MEGF9: variants seen among roughly 807,000 people sequenced by gnomAD.
MEGF9 encodes multiple EGF like domains 9.
A neutral mutation model predicts 46.8 loss-of-function variants in MEGF9; 6 were observed. That is an observed-to-expected ratio of 0.13 (90% CI 0.07 to 0.25). The LOEUF (loss-of-function observed/expected upper bound fraction) is 0.25, where lower values mean the gene tolerates loss of function less well. Among genes scored for constraint, MEGF9 ranks in the 10% least tolerant of loss-of-function variants. MEGF9 has a pLI of 1.00. For synonymous variants in MEGF9, 302 were observed against 330.7 expected, an observed-to-expected ratio of 0.91 and a Z score of 0.94; for missense variants, 683 against 792.4, an observed-to-expected ratio of 0.86 and a Z score of 1.66.
Position 120,607,813 on chromosome 9 carries a change from T to C in MEGF9, c.1285A>G (p.Thr429Ala). 6.2e-7 allele frequency: 1 copy of C among 1,614,010 alleles called. No homozygotes were observed. Among genetic ancestry groups the C allele is most frequent in the Non-Finnish European group, 8.5e-7 (1 of 1,179,870 alleles). Residue 429 changes from threonine to alanine, a missense_variant, in exon 5 of 6, where the codon ACC (threonine) becomes GCC (alanine). By Grantham distance (58) the Thr-to-Ala change is moderately conservative. Transcript: ENST00000373930. ...SGECINCLHN[T>A]TGFWCENCLE... is the part of the protein sequence containing the mutation. ...CAGTTCTCACACCAAAACCCAGTGG[T>C]GTTATGGAGGCAGTTGATGCACTCA...
chr9:120,690,373 G>A (rs762419054), intron 1 of MEGF9, among the ~76,000 whole-genome samples: 4 of 152,174 alleles, frequency 2.6e-5, no homozygotes, highest in Admixed American at 6.5e-5. Flanking sequence ...GTCAGTGTGT[G>A]TGTGTGTATA....
chr9:120,714,310 C>T lies in MEGF9; in HGVS notation c.49G>A (p.Gly17Ser), dbSNP rs1051317783. 1.6e-5 allele frequency: 21 copies of T among 1,342,858 alleles called. No individual in the cohort carries two copies. Among genetic ancestry groups the T allele is most frequent in the Non-Finnish European group, 1.9e-5 (20 of 1,046,570 alleles). The allele number at this position is 1,342,858 out of a possible 1,614,324, so 83.2% of individuals were successfully genotyped here. The change falls in exon 1 of 6, where the codon GGC becomes AGC. Residue 17 changes from glycine (G) to serine (S), a missense_variant. By Grantham distance (56) the Gly-to-Ser change is moderately conservative. Transcript: ENST00000373930. Reference protein sequence around the residue: ...RAMRSLPSLGGLALLCCAAAA... With the variant: ...RAMRSLPSLGSLALLCCAAAA... ...GCGGCGCAGCACAACAGGGCGAGGC[C>T]GCCCAGGCTCGGCAGGCTCCTCATG...
chr9:120,708,863 C>T (rs2043940336), intron 1 of MEGF9, among the ~76,000 whole-genome samples: 1 of 152,048 alleles, frequency 6.6e-6, no homozygotes, highest in Non-Finnish European at 1.5e-5. Flanking sequence ...TAAGAATTTC[C>T]AAGTCCAGAA....
intron 2 of MEGF9, among the ~76,000 whole-genome samples, chr9:120,643,829 G>A (rs552576133): frequency 6.6e-6 from 1 of 151,842 alleles, no homozygotes; most frequent in Non-Finnish European, 1.5e-5. Context: ...CAAGTAGCTG[G>A]GACTACATGC....
intron 1 of MEGF9, among the ~76,000 whole-genome samples, chr9:120,678,581 T>C (rs562508932): frequency 6.6e-6 from 1 of 152,340 alleles, no homozygotes; most frequent in East Asian, 1.9e-4. Flanking sequence ...CAAGGAATTC[T>C]CATGCCTCAG....
chr9:120,685,371 C>G (rs1294458763), intron 1 of MEGF9, among the ~76,000 whole-genome samples: 1 of 152,172 alleles, frequency 6.6e-6, no homozygotes, highest in Non-Finnish European at 1.5e-5. Context: ...TGTTAACAAT[C>G]TCGGATATTC....
chr9:120,697,107 G>T (rs557283572), intron 1 of MEGF9, among the ~76,000 whole-genome samples: 1 of 152,284 alleles, frequency 6.6e-6, no homozygotes, highest in South Asian at 2.1e-4. Context: ...TTTGGAGACA[G>T]GGTCTCGCTC....
intron 2 of MEGF9, 98 bp from the exon 3 acceptor site, chr9:120,622,853 T>A: frequency 1.7e-6 from 2 of 1,189,902 alleles, no homozygotes; most frequent in Non-Finnish European, 2.4e-6. Flanking sequence ...CTCATGTAAA[T>A]CATATATACT....
intron 2 of MEGF9, among the ~76,000 whole-genome samples, chr9:120,656,728 A>G (rs2043679147): frequency 6.6e-6 from 1 of 152,076 alleles, no homozygotes; most frequent in African/African-American, 2.4e-5. Flanking sequence ...AAACAACTTT[A>G]TGCAGGAGAG....
chr9:120,706,491 A>G (rs1169385124), intron 1 of MEGF9, among the ~76,000 whole-genome samples: 1 of 152,192 alleles, frequency 6.6e-6, no homozygotes, highest in Non-Finnish European at 1.5e-5. Flanking sequence ...TAATGAAACA[A>G]TAAGAGCTAT....
intron 2 of MEGF9, among the ~76,000 whole-genome samples, chr9:120,658,505 A>G (rs867289238): frequency 1.3e-5 from 2 of 152,248 alleles, no homozygotes; most frequent in Admixed American, 6.5e-5. Context: ...GGCATTTTAT[A>G]TATATCAACT....
intron 1 of MEGF9, among the ~76,000 whole-genome samples, chr9:120,682,615 G>T (rs544160045): frequency 1.3e-5 from 2 of 152,188 alleles, no homozygotes; most frequent in Admixed American, 1.3e-4. Flanking sequence ...TTGAAACAGG[G>T]TCTTCTCTGC....
chr9:120,611,887 A>AG (rs1564411734), intron 4 of MEGF9, among the ~76,000 whole-genome samples: 3 of 75,270 alleles, frequency 4.0e-5, no homozygotes, highest in Admixed American at 1.4e-4. Flanking sequence ...GAGAGAGAGA[A>AG]AGAAAGAAAG....
intron 2 of MEGF9, among the ~76,000 whole-genome samples, chr9:120,645,862 C>A (rs886992409): frequency 3.3e-5 from 5 of 152,262 alleles, no homozygotes; most frequent in African/African-American, 1.2e-4. Flanking sequence ...CACTGCTTGA[C>A]ACTCAGCAGC....
At chr9:120,692,307 G>C (rs1037124012) in intron 1 of MEGF9, among the ~76,000 whole-genome samples, 7 of 152,180 alleles carry the variant, frequency 4.6e-5, no homozygotes, top group Admixed American at 4.6e-4. Flanking sequence ...CTAAGTCTAT[G>C]TGTTATACCA....
At chr9:120,633,494 T>A (rs575364021) in intron 2 of MEGF9, among the ~76,000 whole-genome samples, 1 of 152,238 alleles carries the variant, frequency 6.6e-6, no homozygotes, top group East Asian at 1.9e-4. Context: ...CTTTTTTTCT[T>A]GGTTAGTCTA....
chr9:120,664,638 G>C (rs889532993), intron 1 of MEGF9, among the ~76,000 whole-genome samples: 1 of 152,092 alleles, frequency 6.6e-6, no homozygotes, highest in African/African-American at 2.4e-5. Flanking sequence ...AATTAATACA[G>C]AGCACTCACA....
In MEGF9 at chr9:120,714,249, G is replaced by A; in HGVS notation, c.110C>T (p.Ser37Leu). 5.0e-6 allele frequency: 6 copies of A among 1,211,880 alleles called. No homozygotes were observed. The highest frequency in any genetic ancestry group is 6.1e-6 in the Non-Finnish European group (6 of 984,562). The allele number at this position is 1,211,880 out of a possible 1,614,324, so 75.1% of individuals were successfully genotyped here. A position where few individuals can be genotyped will look rare whatever the true frequency, so the allele number is the denominator to read the frequency against. The change falls in exon 1 of 6, where the codon TCG (serine) becomes TTG (leucine). Residue 37 changes from serine (S) to leucine (L), a missense_variant. Ser to Leu is a moderately radical substitution (Grantham distance 145). This residue lies in a region of MEGF9 where 370 missense variants were observed against 371.3 expected (regional missense o/e 1.00). Coordinates refer to ENST00000373930, the MANE Select transcript of MEGF9 (RefSeq NM_001080497.3). ...AAAAAVASAA[S>L]AGNVTGGGGA... ...GCCGCCACCGGTGACATTCCCCGCC[G>A]AGGCGGCTGAGGCGACGGCGGCGGC...
At chr9:120,625,072 T>C (rs1407815864) in intron 2 of MEGF9, among the ~76,000 whole-genome samples, 2 of 152,060 alleles carry the variant, frequency 1.3e-5, no homozygotes, top group South Asian at 2.1e-4. Context: ...CCAGGAGTTC[T>C]AGGCTGCCTG....
Sources: allele counts gnomAD v4.1 joint callset (sites outside exome capture counted in the v4.1 genomes callset), GRCh38; gene constraint gnomAD v4.1.1; regional missense constraint gnomAD v4.1.1; transcripts MANE v1.5; gene names NCBI Gene and HGNC (gene_info 2026-07-23, HGNC 2026-07-21).